The following POLQ variants were observed in gnomAD, a reference collection of about 807,000 sequenced individuals.
The protein encoded by POLQ is DNA polymerase theta.
In POLQ, 233 loss-of-function variants were observed where a neutral mutation model predicts 259.2. The observed-to-expected ratio is 0.90, with a 90% CI of 0.81 to 1.00. POLQ has a LOEUF of 1.00. Among genes scored for constraint, POLQ ranks in the 50% least tolerant of loss-of-function variants. The probability of loss-of-function intolerance (pLI) is 0.00; values close to 1 mark genes in which losing one functional copy is unlikely to be tolerated. For synonymous variants in POLQ, 1,025 were observed against 1,048.8 expected (o/e 0.98, Z 0.44); for missense variants, 2,871 against 3,051.6 (o/e 0.94, Z 1.39).
At chr3:121,496,072 T>C (rs992261612) in intron 14 of POLQ, among the ~76,000 whole-genome samples, 27 of 152,014 alleles carry the variant, frequency 1.8e-4, no homozygotes, top group Non-Finnish European at 3.1e-4. Flanking sequence ...TTTAATACAT[T>C]AAGGCAGACC....
chr3:121,485,231 A>G, intron 16 of POLQ, 47 bp from the exon 17 acceptor site: 1 of 1,291,956 alleles, frequency 7.7e-7, no homozygotes, highest in Non-Finnish European at 1.1e-6. Context: ...AAAAATAAAG[A>G]CATTACATAA....
chr3:121,485,083 C>A lies in POLQ; in HGVS notation c.5731G>T (p.Asp1911Tyr). The stretch of plus-strand genomic sequence containing the variant: ...TTCTGCAGTGAAAAATAATAGGCAT[C>A]CCTTCCACCCCAGCATACTGCCAGT... ...VGLAVCWGGR[D>Y]AYYFSLQKEQ... Residue 1911 changes from aspartate (D) to tyrosine (Y), a missense_variant, in exon 17 of 30, where the codon GAT becomes TAT. Physicochemically the swap from Asp to Tyr is radical, Grantham distance 160. Around this residue, in one of 3 missense-constraint regions of POLQ, gnomAD observed 2,080 missense variants for 2,126.0 expected, o/e 0.98. Transcript: ENST00000264233. 1 of 1,612,904 alleles carries A rather than the reference C, an allele frequency of 6.2e-7. No individual in the cohort carries two copies. The highest frequency in any genetic ancestry group is 2.2e-5 in the East Asian group (1 of 44,828).
intron 10 of POLQ, among the ~76,000 whole-genome samples, chr3:121,511,009 C>T (rs1214172937): frequency 2.6e-5 from 4 of 152,102 alleles, no homozygotes; most frequent in Admixed American, 6.5e-5. Flanking sequence ...AGGCGGATCA[C>T]GAGGTCAGGA....
At chr3:121,451,099 A>G (rs1371198817) in intron 25 of POLQ, among the ~76,000 whole-genome samples, 1 of 152,104 alleles carries the variant, frequency 6.6e-6, no homozygotes, top group Non-Finnish European at 1.5e-5. Flanking sequence ...AAGCTTGTGC[A>G]TTTGTCACGT....
chr3:121,440,155 G>C (rs1313956299), intron 26 of POLQ, 39 bp from the exon 27 acceptor site: 1 of 1,538,078 alleles, frequency 6.5e-7, no homozygotes, highest in East Asian at 2.3e-5. Context: ...TAGAACCAAA[G>C]TCTATCCTTC....
At chr3:121,537,866 T>C (rs891333513) in intron 4 of POLQ, among the ~76,000 whole-genome samples, 3 of 152,192 alleles carry the variant, frequency 2.0e-5, no homozygotes, top group African/African-American at 7.2e-5. Flanking sequence ...CACTATATAA[T>C]ACATTGCAAG....
rs372789780 is a variant in POLQ at position 121,522,156 on chromosome 3, C to T, written c.1109-7G>A. 7 of 1,587,284 alleles carry T rather than the reference C, an allele frequency of 4.4e-6. No homozygotes were observed. Among genetic ancestry groups the T allele is most frequent in the Non-Finnish European group, 6.0e-6 (7 of 1,171,728 alleles). ...TCAGAGGGTTTCACCAATCCTGTCA[C>T]AAAAAAATTATCAACACCATTTGCT... On this transcript the variant is annotated splice_region_variant and splice_polypyrimidine_tract_variant and intron_variant, in intron 7 of 29. Transcript: ENST00000264233.
intron 18 of POLQ, among the ~76,000 whole-genome samples, 199 bp downstream of exon 18, chr3:121,483,187 G>A (rs1370620449): frequency 6.6e-6 from 1 of 151,920 alleles, no homozygotes; most frequent in Non-Finnish European, 1.5e-5. Context: ...CCAAATTTGT[G>A]ACATCTCTGT....
At chr3:121,509,833 G>A (rs2108807592) in intron 11 of POLQ, 130 bp from the exon 12 acceptor site, 1 of 943,148 alleles carries the variant, frequency 1.1e-6, no homozygotes, top group Non-Finnish European at 1.6e-6. Flanking sequence ...CTTATCCAGA[G>A]CATGAAAATG....
Position 121,490,107 on chromosome 3 carries a change from T to A in POLQ, c.2824A>T (p.Thr942Ser). ...TTAATATAAGAATCACTAAATATTG[T>A]GTTACTTTTGTTCTTTGATGTTAAT... Reference protein sequence around the residue: ...KKLTSKNKSNTIFSDSYIKHS... With the variant: ...KKLTSKNKSNSIFSDSYIKHS... The change falls in exon 16 of 30, where the codon ACA becomes TCA. Residue 942 changes from threonine (T) to serine (S), a missense_variant. Coordinates refer to ENST00000264233, the MANE Select transcript of POLQ (RefSeq NM_199420.4). 6.2e-7 allele frequency: 1 copy of A among 1,600,584 alleles called. No individual in the cohort carries two copies. The highest frequency in any genetic ancestry group is 8.5e-7 in the Non-Finnish European group (1 of 1,170,946).
chr3:121,510,114 C>T lies in POLQ; in HGVS notation c.1741G>A (p.Ala581Thr), dbSNP rs774092317. The T allele has an allele frequency of 1.2e-6, 2 of 1,614,136 alleles. No individual in the cohort carries two copies. The highest frequency in any genetic ancestry group is 3.3e-5 in the Admixed American group (2 of 60,032). ...AGCCACATCACACAGGCCTCAATCG[C>T]TCCAAGCTGAACAGACTCTTGATTT... is the stretch of plus-strand genomic sequence containing the variant. ...QRNQESVQLG[A>T]IEACVMWLLE... The change falls in exon 11 of 30, where the codon GCG becomes ACG. Residue 581 changes from alanine (A) to threonine (T), a missense_variant. Ala to Thr is a moderately conservative substitution (Grantham distance 58). Transcript: ENST00000264233.
intron 24 of POLQ, among the ~76,000 whole-genome samples, chr3:121,462,773 C>A (rs2047802484): frequency 6.6e-6 from 1 of 152,130 alleles, no homozygotes; most frequent in Non-Finnish European, 1.5e-5. Flanking sequence ...TCCAGAAAGG[C>A]CACACCTTAT....
At position 121,542,064 on chromosome 3, in the gene POLQ, A is replaced by T. The variant is rs200039715; in HGVS notation, c.344-585T>A. 2.2e-4 allele frequency among the ~76,000 whole-genome samples: 34 copies of T among 151,550 alleles called. No individual in the cohort carries two copies. The East Asian group carries it at 5.8e-3, about 26-fold the overall frequency. On this transcript the variant is annotated intron_variant, in intron 2 of 29. Transcript: ENST00000264233. The stretch of plus-strand genomic sequence containing the variant: ...GGCACAAGAATTGCTTGATCCTGGG[A>T]GGCAGAGGTTGCAGTGAGCCGAGAT...
At chr3:121,502,522 T>C (rs999996789) in intron 12 of POLQ, among the ~76,000 whole-genome samples, 6 of 152,136 alleles carry the variant, frequency 3.9e-5, no homozygotes, top group African/African-American at 1.4e-4. Flanking sequence ...TATAATTGAA[T>C]TGTTGGGTCC....
Position 121,545,947 on chromosome 3 carries a change from C to G in POLQ, c.-70G>C, listed in dbSNP as rs983130853. 2.6e-6 allele frequency: 4 copies of G among 1,538,458 alleles called. No homozygotes were observed. The highest frequency in any genetic ancestry group is 3.5e-6 in the Non-Finnish European group (4 of 1,128,208). On this transcript the variant is annotated 5_prime_UTR_variant, in exon 1 of 30. Transcript: ENST00000264233. ...TCCTCCCTCTCGGGAGAACCCTGGC[C>G]TGGCAACAGCTGCGGACATCTTCCC...
Position 121,432,183 on chromosome 3 carries a change from G to A in POLQ, c.*121C>T, listed in dbSNP as rs114750988. On this transcript the variant is annotated 3_prime_UTR_variant, in exon 30 of 30. Transcript: ENST00000264233. ...TGAAACTCTCACTATAAAATTACTA[G>A]GCTAAGTCTATCAAGACTTGAAAGT... 292 of 892,508 alleles carry A rather than the reference G, an allele frequency of 3.3e-4. No homozygotes were observed. The highest frequency in any genetic ancestry group is 2.6e-3 in the African/African-American group (147 of 57,264). 55.3% of individuals were successfully genotyped at this position (892,508 alleles called of 1,614,324 possible).
chr3:121,501,597 G>A (rs1180076814), intron 12 of POLQ, among the ~76,000 whole-genome samples: 119 of 132,954 alleles, frequency 9.0e-4, no homozygotes, highest in South Asian at 9.8e-4. Context: ...GGGAGGCGGA[G>A]CTTGCAGTGA....
At chr3:121,504,043 T>A (rs183608762) in intron 12 of POLQ, among the ~76,000 whole-genome samples, 30 of 152,298 alleles carry the variant, frequency 2.0e-4, no homozygotes, top group African/African-American at 7.0e-4. Context: ...TAATTTTGTA[T>A]TTTTAGTACA....
chr3:121,465,212 G>A (rs150368407), intron 24 of POLQ, among the ~76,000 whole-genome samples: 37 of 151,488 alleles, frequency 2.4e-4, no homozygotes, highest in African/African-American at 8.0e-4. Flanking sequence ...CCACCACAGC[G>A]TCCTGAGTAG....
Sources: gnomAD v4.1 joint callset for allele counts (sites outside exome capture counted in the v4.1 genomes callset) on GRCh38, gnomAD v4.1.1 for gene constraint, gnomAD v4.1.1 regional missense constraint, MANE v1.5 for transcripts, NCBI Gene and HGNC (gene_info 2026-07-23, HGNC 2026-07-21) for gene names.